Variants in TRAPPC12 observed in about 807,000 individuals in gnomAD.
TRAPPC12 encodes the protein TPR repeat protein 15.
TRAPPC12 carries 61 observed loss-of-function variants against 69.2 expected under a neutral mutation model. That is an observed-to-expected ratio of 0.88 (90% CI 0.72 to 1.09). TRAPPC12 has a LOEUF of 1.09. Ranked by LOEUF, TRAPPC12 falls within the 50% of genes least tolerant of loss-of-function variation. TRAPPC12 has a pLI of 0.00. For synonymous variants in TRAPPC12, 469 were observed against 438.9 expected (o/e 1.07, Z -0.86); for missense variants, 1,101 against 1,016.4 (o/e 1.08, Z -1.13).
At chr2:3,478,602 A>C (rs374240123) in intron 10 of TRAPPC12, 1 of 427,464 alleles carries the variant, frequency 2.3e-6, no homozygotes, top group Non-Finnish European at 4.2e-6. Flanking sequence ...CCACTGCACT[A>C]CAGCCTGGGC....
intron 3 of TRAPPC12, among the ~76,000 whole-genome samples, chr2:3,409,759 A>AT (rs1661947249): frequency 7.0e-6 from 1 of 143,508 alleles, no homozygotes; most frequent in East Asian, 2.0e-4. Context: ...TTAAAAAAAA[A>AT]AAAAAAAAAA....
At position 3,450,545 on chromosome 2, in the gene TRAPPC12, C is replaced by T. The variant is rs933898402; in HGVS notation, c.1530+6654C>T. Among the ~76,000 whole-genome samples, 22 of 152,286 alleles carry T rather than the reference C, an allele frequency of 1.4e-4. No homozygotes were observed. In the East Asian group the frequency reaches 3.3e-3, roughly 23 times the overall value. ...CAAGTGAGAGCATTGCTGATCCCCC[C>T]GGGGTGGCGAGGGGGCGCACGTCAG... On this transcript the variant is annotated intron_variant, in intron 6 of 11. Transcript: ENST00000324266.
At chr2:3,431,357 G>A (rs1297781110) in intron 5 of TRAPPC12, among the ~76,000 whole-genome samples, 3 of 152,210 alleles carry the variant, frequency 2.0e-5, no homozygotes, top group Non-Finnish European at 4.4e-5. Context: ...GGAGCATCCC[G>A]GTCCCAGGAA....
intron 9 of TRAPPC12, among the ~76,000 whole-genome samples, chr2:3,468,414 A>G (rs1297467736): frequency 2.0e-5 from 3 of 147,350 alleles, no homozygotes; most frequent in Non-Finnish European, 3.0e-5. Context: ...TCTCACCTTC[A>G]TGGTGTCAGT....
At position 3,479,326 on chromosome 2, in the gene TRAPPC12, G is replaced by A; in HGVS notation, c.2073G>A (p.Glu691=). The change falls in exon 12 of 12, where the codon GAG becomes GAA. Residue 691 remains glutamate (E), a synonymous_variant. Coordinates refer to ENST00000324266, the MANE Select transcript of TRAPPC12 (RefSeq NM_016030.6). ...VQQDPRHYLH[E]SVLFNLTTMY... ...AGGACCCCAGGCACTACCTGCACGA[G>A]AGCGTGCTCTTCAACCTGACCACCA... The A allele has an allele frequency of 4.3e-6, 7 of 1,614,214 alleles. No homozygotes were observed. Among genetic ancestry groups the A allele is most frequent in the Non-Finnish European group, 5.9e-6 (7 of 1,180,046 alleles).
intron 3 of TRAPPC12, among the ~76,000 whole-genome samples, chr2:3,405,951 C>T (rs530735322): frequency 1.4e-4 from 22 of 152,306 alleles, no homozygotes; most frequent in African/African-American, 4.3e-4. Flanking sequence ...GCTTGTACTA[C>T]ATCTTGAATA....
chr2:3,389,572 G>T (rs1336874834), intron 2 of TRAPPC12: 2 of 438,944 alleles, frequency 4.6e-6, no homozygotes, highest in Non-Finnish European at 4.8e-6. Flanking sequence ...AGCTCTTTTC[G>T]ACCCGCATCT....
chr2:3,398,479 T>C (rs1310262886), intron 2 of TRAPPC12, among the ~76,000 whole-genome samples: 2 of 152,226 alleles, frequency 1.3e-5, no homozygotes, highest in Non-Finnish European at 2.9e-5. Flanking sequence ...AACAGGCACC[T>C]TTCTGCATTG....
intron 7 of TRAPPC12, 156 bp downstream of exon 7, chr2:3,457,849 G>T: frequency 6.9e-7 from 1 of 1,449,880 alleles, no homozygotes. Context: ...TCTTGGGGAA[G>T]CCAAGCACAT....
intron 5 of TRAPPC12, among the ~76,000 whole-genome samples, chr2:3,432,271 C>G (rs1265166788): frequency 1.3e-5 from 2 of 152,184 alleles, no homozygotes; most frequent in African/African-American, 4.8e-5. Context: ...GGATTACCAT[C>G]AGGTCAAATT....
At position 3,388,285 on chromosome 2, in the gene TRAPPC12, C is replaced by G; in HGVS notation, c.662C>G (p.Ser221Trp). The change falls in exon 2 of 12, where the codon TCG becomes TGG. Residue 221 changes from serine to tryptophan, a missense_variant. Coordinates refer to ENST00000324266, the MANE Select transcript of TRAPPC12 (RefSeq NM_016030.6). ...ACGGCCGCCAGCCACTCCTTGGCCTCGGACTTCTTCGACTCCTTTACTACC... is the reference window on the plus strand; with the variant it reads ...ACGGCCGCCAGCCACTCCTTGGCCTGGGACTTCTTCGACTCCTTTACTACC... Reference protein sequence around the residue: ...GDTAASHSLASDFFDSFTTSA... With the variant: ...GDTAASHSLAWDFFDSFTTSA... The G allele has an allele frequency of 1.2e-6, 2 of 1,607,772 alleles. No homozygotes were observed. The highest frequency in any genetic ancestry group is 1.7e-6 in the Non-Finnish European group (2 of 1,177,076).
At chr2:3,403,254 T>G (rs1661555823) in intron 3 of TRAPPC12, among the ~76,000 whole-genome samples, 1 of 127,348 alleles carries the variant, frequency 7.9e-6, no homozygotes, top group Non-Finnish European at 1.6e-5. Context: ...TTTTTTGAGA[T>G]GGAGTTTCAC....
intron 3 of TRAPPC12, among the ~76,000 whole-genome samples, chr2:3,402,441 T>C (rs753902824): frequency 5.9e-5 from 9 of 151,986 alleles, no homozygotes; most frequent in African/African-American, 9.7e-5. Flanking sequence ...ATACAAAAAT[T>C]AGCTGGGCAT....
At chr2:3,430,262 G>A (rs374064746) in intron 5 of TRAPPC12, among the ~76,000 whole-genome samples, 7 of 152,128 alleles carry the variant, frequency 4.6e-5, no homozygotes, top group African/African-American at 1.7e-4. Flanking sequence ...ATGTTCAGGC[G>A]TTTCTCTGAG....
chr2:3,389,721 G>A (rs770624278), intron 2 of TRAPPC12: 1 of 471,116 alleles, frequency 2.1e-6, no homozygotes, highest in South Asian at 1.5e-5. Flanking sequence ...TGCACTCCGC[G>A]GAGTCCTGAG....
At chr2:3,380,210 C>T (rs904746089) in intron 1 of TRAPPC12, among the ~76,000 whole-genome samples, 2 of 152,184 alleles carry the variant, frequency 1.3e-5, no homozygotes, top group African/African-American at 2.4e-5. Flanking sequence ...TCCCCGAGAC[C>T]CCCAGTTCCA....
intron 8 of TRAPPC12, among the ~76,000 whole-genome samples, chr2:3,461,358 G>A (rs952875234): frequency 1.3e-4 from 19 of 150,766 alleles, no homozygotes; most frequent in African/African-American, 4.5e-4. Flanking sequence ...CGGCTTTAGC[G>A]CAGCCCCAGT....
At chr2:3,432,625 G>A (rs760027113) in intron 5 of TRAPPC12, among the ~76,000 whole-genome samples, 11 of 152,212 alleles carry the variant, frequency 7.2e-5, no homozygotes, top group Admixed American at 3.3e-4. Context: ...ACTCCCGAGC[G>A]TTGATGGTTG....
chr2:3,391,986 G>A (rs1660851626), intron 2 of TRAPPC12, among the ~76,000 whole-genome samples: 1 of 152,110 alleles, frequency 6.6e-6, no homozygotes, highest in South Asian at 2.1e-4. Context: ...GTTGCCACAG[G>A]AAAGACTTAA....
Sources: allele counts gnomAD v4.1 joint callset (sites outside exome capture counted in the v4.1 genomes callset), GRCh38; gene constraint gnomAD v4.1.1; transcripts MANE v1.5; gene names NCBI Gene and HGNC (gene_info 2026-07-23, HGNC 2026-07-21).